CFAP221: variants seen among roughly 807,000 people sequenced by gnomAD.
The protein encoded by CFAP221 is cilia and flagella associated protein 221.
A neutral mutation model predicts 113.1 loss-of-function variants in CFAP221; 97 were observed. That is an observed-to-expected ratio of 0.86 (90% CI 0.73 to 1.02). CFAP221 has a LOEUF of 1.02. Ranked by LOEUF, CFAP221 falls within the 50% of genes least tolerant of loss-of-function variation. CFAP221 has a pLI of 0.00. For missense variants in CFAP221, 1,025 were observed against 1,013.4 expected, an observed-to-expected ratio of 1.01 and a Z score of -0.16; for synonymous variants, 331 against 354.4, an observed-to-expected ratio of 0.93 and a Z score of 0.74.
At chr2:119,623,895 A>C (rs1413565046) in intron 14 of CFAP221, among the ~76,000 whole-genome samples, 2 of 152,254 alleles carry the variant, frequency 1.3e-5, no homozygotes, top group Non-Finnish European at 2.9e-5. Flanking sequence ...CTTAAATGTT[A>C]GACCTAAAAC....
At position 119,605,000 on chromosome 2, in the gene CFAP221, T is replaced by C. The variant is rs774914393; in HGVS notation, c.1024+13T>C. The C allele has an allele frequency of 3.1e-6, 5 of 1,610,286 alleles. No homozygotes were observed. In the East Asian group the frequency reaches 8.9e-5, roughly 29 times the overall value. ...GAATTAAGAGAAGGTAACCAGTTGA[T>C]TGGCCATAAAGCAGCCCCTGAGCAG... On this transcript the variant is annotated intron_variant, in intron 10 of 23. Transcript: ENST00000413369.
chr2:119,584,227 C>A (rs940224092), intron 6 of CFAP221, among the ~76,000 whole-genome samples: 2 of 151,916 alleles, frequency 1.3e-5, no homozygotes, highest in African/African-American at 4.8e-5. Context: ...ATAAATAAAT[C>A]AAAAAATAAA....
intron 6 of CFAP221, chr2:119,580,273 T>C (rs1682755651): frequency 6.6e-6 from 1 of 152,208 alleles, no homozygotes; most frequent in Admixed American, 6.5e-5. Context: ...GACAATCCTA[T>C]GAAGTTTTCA....
rs550166412 is a variant in CFAP221 at position 119,649,140 on chromosome 2, G to A, written c.2318+2090G>A. On this transcript the variant is annotated intron_variant, in intron 22 of 23. Transcript: ENST00000413369. ...CATGGTCTTTGCTTTCTCACTTCAC[G>A]AATGAAGCTCTCAGTATTTAACTCC... 1.7e-4 allele frequency among the ~76,000 whole-genome samples: 26 copies of A among 152,270 alleles called. No homozygotes were observed. The South Asian group carries it at 5.0e-3, about 29-fold the overall frequency.
At chr2:119,632,231 C>T (rs893647232) in intron 19 of CFAP221, among the ~76,000 whole-genome samples, 1 of 152,148 alleles carries the variant, frequency 6.6e-6, no homozygotes, top group Non-Finnish European at 1.5e-5. Context: ...GATCAATATC[C>T]TTGATGAACA....
At chr2:119,618,360 G>A (rs913256535) in intron 14 of CFAP221, among the ~76,000 whole-genome samples, 16 of 152,224 alleles carry the variant, frequency 1.1e-4, no homozygotes, top group Non-Finnish European at 1.5e-5. Context: ...GAAGGCAGGT[G>A]ATTTCTGCAT....
intron 22 of CFAP221, among the ~76,000 whole-genome samples, chr2:119,648,133 T>C (rs1687923943): frequency 6.6e-6 from 1 of 152,172 alleles, no homozygotes; most frequent in Non-Finnish European, 1.5e-5. Context: ...GCCTCACACA[T>C]AGTAAGGTTT....
At chr2:119,560,963 A>G (rs1277188940) in intron 5 of CFAP221, among the ~76,000 whole-genome samples, 2 of 152,108 alleles carry the variant, frequency 1.3e-5, no homozygotes, top group South Asian at 2.1e-4. Flanking sequence ...TAAGAATATG[A>G]TAGACCATTA....
intron 15 of CFAP221, among the ~76,000 whole-genome samples, chr2:119,627,239 TACA>T (rs1244398867): frequency 1.3e-5 from 2 of 152,126 alleles, no homozygotes; most frequent in African/African-American, 2.4e-5. Context: ...CAAAATATTG[TACA>T]ACATTTTAAT....
intron 11 of CFAP221, among the ~76,000 whole-genome samples, chr2:119,606,918 A>T (rs1384165708): frequency 6.6e-6 from 1 of 152,138 alleles, no homozygotes; most frequent in African/African-American, 2.4e-5. Context: ...ACACACCTGC[A>T]TGCACCTTTT....
chr2:119,616,611 C>T (rs1424615477), intron 14 of CFAP221, among the ~76,000 whole-genome samples: 4 of 152,166 alleles, frequency 2.6e-5, no homozygotes. Flanking sequence ...TCATGTGACC[C>T]CTGGTCTGGC....
At chr2:119,648,450 TG>T in intron 22 of CFAP221, 2 of 320,598 alleles carry the variant, frequency 6.2e-6, no homozygotes, top group Non-Finnish European at 1.4e-5. Context: ...AAGGAGCACC[TG>T]GATCTGCTGC....
rs376441498 is a variant in CFAP221, at chr2:119,625,626, G to A, written c.1454G>A (p.Arg485His). ...TTATTCAATATGCTGAGTGCTGTTC[G>A]TGAAATGGACAAAGAGAGTATACTG... ...GRLFNMLSAV[R>H]EMDKESILRK... Residue 485 changes from arginine to histidine, a missense_variant, in exon 15 of 24, where the codon CGT (arginine) becomes CAT (histidine). Physicochemically the swap from Arg to His is conservative, Grantham distance 29 (BLOSUM62 0). Coordinates refer to ENST00000413369, the MANE Select transcript of CFAP221 (RefSeq NM_001271049.2). The A allele has an allele frequency of 4.0e-5, 65 of 1,613,810 alleles. No individual in the cohort carries two copies. The highest frequency in any genetic ancestry group is 4.0e-4 in the African/African-American group (30 of 74,916).
At chr2:119,578,068 G>T (rs1682577748) in intron 6 of CFAP221, among the ~76,000 whole-genome samples, 1 of 152,190 alleles carries the variant, frequency 6.6e-6, no homozygotes, top group Non-Finnish European at 1.5e-5. Context: ...AGCTCAGATG[G>T]CCTGAGGGCT....
At chr2:119,589,183 G>A (rs1012687691) in intron 7 of CFAP221, among the ~76,000 whole-genome samples, 1 of 151,970 alleles carries the variant, frequency 6.6e-6, no homozygotes, top group Non-Finnish European at 1.5e-5. Flanking sequence ...TCAGGTCATC[G>A]TTGCTCCACC....
intron 7 of CFAP221, among the ~76,000 whole-genome samples, chr2:119,588,598 C>T (rs997837290): frequency 4.6e-5 from 7 of 152,118 alleles, no homozygotes; most frequent in African/African-American, 1.4e-4. Flanking sequence ...AAAAATCATG[C>T]AGGCCTTTCC....
In CFAP221 at chr2:119,569,830, A is replaced by G. The variant is rs190467965; in HGVS notation, c.527+7716A>G. ...CATTTCTGTTATTATGTTTTTGATC[A>G]CTAGAATTTCTTTTTGGTTCTTCTT... On this transcript the variant is annotated intron_variant, in intron 6 of 23. Transcript: ENST00000413369. Among the ~76,000 whole-genome samples the G allele has an allele frequency of 8.3e-4, 126 of 152,264 alleles. 2 individuals carry two copies. Among genetic ancestry groups the G allele is most frequent in the African/African-American group, 2.8e-3 (118 of 41,560 alleles).
At chr2:119,571,110 C>G (rs938877658) in intron 6 of CFAP221, among the ~76,000 whole-genome samples, 1 of 148,932 alleles carries the variant, frequency 6.7e-6, no homozygotes, top group Non-Finnish European at 1.5e-5. Flanking sequence ...GTGGTTACAC[C>G]GTTAAATTAG....
chr2:119,605,133 G>T (rs1323332545), intron 10 of CFAP221, 48 bp from the exon 11 acceptor site: 2 of 1,539,900 alleles, frequency 1.3e-6, no homozygotes, highest in Non-Finnish European at 1.8e-6. Context: ...CTCCGCACAT[G>T]ATTTTAATCT....
Sources: gnomAD v4.1 joint callset for allele counts (sites outside exome capture counted in the v4.1 genomes callset) on GRCh38, gnomAD v4.1.1 for gene constraint, MANE v1.5 for transcripts, NCBI Gene and HGNC (gene_info 2026-07-23, HGNC 2026-07-21) for gene names.